Variants in GRIK2 observed in about 807,000 individuals in gnomAD.
The protein encoded by GRIK2 is glutamate receptor ionotropic, kainate 2.
Under a neutral mutation model 100.3 loss-of-function variants are expected in GRIK2, and 32 were observed. The ratio of observed to expected loss-of-function variants is 0.32; its 90% CI spans 0.24 to 0.43. The LOEUF is 0.43. GRIK2 is among the 20% of genes least tolerant of loss of function. The pLI, the probability that GRIK2 is intolerant of heterozygous loss-of-function variation, is 1.00. For missense variants in GRIK2, 843 were observed against 1,114.9 expected, an observed-to-expected ratio of 0.76 and a Z score of 3.47; for synonymous variants, 417 against 389.4, an observed-to-expected ratio of 1.07 and a Z score of -0.83.
intron 10 of GRIK2, among the ~76,000 whole-genome samples, chr6:101,849,319 A>G (rs1783984481): frequency 6.6e-6 from 1 of 152,034 alleles, no homozygotes; most frequent in African/African-American, 2.4e-5. Context: ...TGTCCATAGT[A>G]ATACCTTTCA....
At chr6:101,696,524 C>T (rs1222480988) in intron 7 of GRIK2, among the ~76,000 whole-genome samples, 1 of 151,906 alleles carries the variant, frequency 6.6e-6, no homozygotes, top group Non-Finnish European at 1.5e-5. Flanking sequence ...AGGATGTATA[C>T]AGTGGCCCTA....
At chr6:102,006,313 A>G (rs891979203) in intron 14 of GRIK2, among the ~76,000 whole-genome samples, 2 of 149,766 alleles carry the variant, frequency 1.3e-5, no homozygotes, top group Non-Finnish European at 3.0e-5. Flanking sequence ...TTGGTACAAT[A>G]GTTAGGAAAT....
chr6:101,828,291 A>C (rs985650590), intron 10 of GRIK2, among the ~76,000 whole-genome samples: 1 of 151,964 alleles, frequency 6.6e-6, no homozygotes, highest in African/African-American at 2.4e-5. Context: ...TGATAAGAAG[A>C]AAGTTTATGG....
intron 12 of GRIK2, among the ~76,000 whole-genome samples, chr6:101,896,792 T>G (rs1307303089): frequency 6.6e-6 from 1 of 151,748 alleles, no homozygotes; most frequent in Non-Finnish European, 1.5e-5. Flanking sequence ...TCATCTGTGA[T>G]GATTTGTTTC....
At chr6:101,401,415 C>A (rs1382173481) in intron 2 of GRIK2, among the ~76,000 whole-genome samples, 1 of 152,162 alleles carries the variant, frequency 6.6e-6, no homozygotes, top group Non-Finnish European at 1.5e-5. Flanking sequence ...TACACACACA[C>A]AAACAAGCTT....
intron 2 of GRIK2, among the ~76,000 whole-genome samples, chr6:101,557,088 G>GT (rs1776784621): frequency 6.6e-6 from 1 of 152,004 alleles, no homozygotes; most frequent in Non-Finnish European, 1.5e-5. Context: ...ACAAAAGGTA[G>GT]TTTTAAATGC....
At chr6:101,594,713 A>T (rs536059541) in intron 2 of GRIK2, among the ~76,000 whole-genome samples, 40 of 151,806 alleles carry the variant, frequency 2.6e-4, no homozygotes, top group Non-Finnish European at 5.0e-4. Context: ...TAGCAAGGCA[A>T]AGCCAGGTTG....
At chr6:101,558,701 TCAGA>T (rs1485103380) in intron 2 of GRIK2, among the ~76,000 whole-genome samples, 2 of 151,422 alleles carry the variant, frequency 1.3e-5, no homozygotes, top group Non-Finnish European at 2.9e-5. Context: ...CTGCTAGTTT[TCAGA>T]CAATTTTCTT....
chr6:101,867,530 A>G (rs1785127339), intron 11 of GRIK2, among the ~76,000 whole-genome samples: 1 of 151,780 alleles, frequency 6.6e-6, no homozygotes, highest in Admixed American at 6.6e-5. Flanking sequence ...GCTATACTAG[A>G]TTATGATTCA....
chr6:101,854,259 T>TATTA (rs138107434), intron 10 of GRIK2, among the ~76,000 whole-genome samples: 3 of 152,118 alleles, frequency 2.0e-5, no homozygotes, highest in African/African-American at 7.2e-5. Context: ...AAATTAAGTC[T>TATTA]ATTAATTAAT....
chr6:101,416,846 G>C (rs774616519), intron 2 of GRIK2, among the ~76,000 whole-genome samples: 43 of 152,148 alleles, frequency 2.8e-4, no homozygotes, highest in Non-Finnish European at 4.7e-4. Flanking sequence ...GTAGGAAATT[G>C]GTGGTGATTA....
chr6:102,054,934 T>C (rs1771391837), intron 15 of GRIK2, among the ~76,000 whole-genome samples: 1 of 152,152 alleles, frequency 6.6e-6, no homozygotes, highest in Admixed American at 6.6e-5. Flanking sequence ...TTCACAACTT[T>C]TCTGGTCTAA....
At chr6:101,935,030 C>T (rs1337455029) in intron 14 of GRIK2, among the ~76,000 whole-genome samples, 2 of 152,052 alleles carry the variant, frequency 1.3e-5, no homozygotes, top group East Asian at 1.9e-4. Flanking sequence ...AGCAAGATTT[C>T]TAGTTAAGTG....
chr6:101,805,437 C>T lies in GRIK2; in HGVS notation c.1203+2999C>T, dbSNP rs150748427. ...ATAAATTGATGCTAGAAATTTTAAT[C>T]GTTAAAATTTAACAATTATGTTCTA... On this transcript the variant is annotated intron_variant, in intron 9 of 16. Transcript: ENST00000369134. Among the ~76,000 whole-genome samples, 143 of 151,818 alleles carry T rather than the reference C, an allele frequency of 9.4e-4. 1 individual carries two copies. Among genetic ancestry groups the T allele is most frequent in the African/African-American group, 2.9e-3 (122 of 41,408 alleles).
chr6:101,658,582 C>A (rs1769374397), intron 4 of GRIK2, among the ~76,000 whole-genome samples: 1 of 93,648 alleles, frequency 1.1e-5, no homozygotes, highest in South Asian at 3.3e-4. Context: ...AGTGGGATTG[C>A]TGGATCAAAT....
chr6:101,455,306 G>A (rs751587977), intron 2 of GRIK2, among the ~76,000 whole-genome samples: 5 of 152,054 alleles, frequency 3.3e-5, no homozygotes, highest in Non-Finnish European at 5.9e-5. Flanking sequence ...GCAATATGTT[G>A]TATATTGAGT....
At chr6:101,540,637 T>C (rs9390757) in intron 2 of GRIK2, among the ~76,000 whole-genome samples, 51,335 of 151,856 alleles carry the variant, frequency 0.34, 8,953 homozygotes, top group South Asian at 0.46. Context: ...AATATGAAAC[T>C]ACAGTCTTGT....
intron 4 of GRIK2, among the ~76,000 whole-genome samples, chr6:101,637,735 A>G (rs1176319289): frequency 6.6e-6 from 1 of 152,142 alleles, no homozygotes; most frequent in Admixed American, 6.6e-5. Context: ...TACAGTGTCC[A>G]TCATTGACAC....
chr6:101,654,886 C>A (rs1781985326), intron 4 of GRIK2, among the ~76,000 whole-genome samples: 1 of 152,166 alleles, frequency 6.6e-6, no homozygotes, highest in African/African-American at 2.4e-5. Context: ...ACTCTCAGCT[C>A]TTCCTTGTGT....
Sources: allele counts gnomAD v4.1 joint callset (sites outside exome capture counted in the v4.1 genomes callset), GRCh38; gene constraint gnomAD v4.1.1; transcripts MANE v1.5; gene names NCBI Gene and HGNC (gene_info 2026-07-23, HGNC 2026-07-21).